Variants in CUX1 observed in about 807,000 individuals in gnomAD.
CUX1 encodes cut like homeobox 1, also known as protein CASP.
Under a neutral mutation model 158.8 loss-of-function variants are expected in CUX1, and 31 were observed. The ratio of observed to expected loss-of-function variants is 0.20; its 90% confidence interval spans 0.15 to 0.26. The LOEUF (loss-of-function observed/expected upper bound fraction) is 0.26, where lower values mean the gene tolerates loss of function less well. Among genes scored for constraint, CUX1 ranks in the 10% least tolerant of loss-of-function variants. CUX1 has a pLI of 1.00. For missense variants in CUX1, 1,589 were observed against 2,014.6 expected (o/e 0.79, Z 4.04); for synonymous variants, 879 against 862.1 (o/e 1.02, Z -0.34).
chr7:102,157,964 CACTGCAGCCTGT>C (rs782216465), intron 8 of CUX1, among the ~76,000 whole-genome samples: 2 of 152,166 alleles, frequency 1.3e-5, no homozygotes, highest in Non-Finnish European at 2.9e-5. Context: ...AGGCTGTCTG[CACTGCAGCCTGT>C]ACAGTCCCCC....
At chr7:102,102,458 G>C (rs1337110138) in intron 5 of CUX1, among the ~76,000 whole-genome samples, 1 of 137,658 alleles carries the variant, frequency 7.3e-6, no homozygotes, top group Non-Finnish European at 1.5e-5. Context: ...CCTTTAGCTT[G>C]TATGCACTAA....
chr7:102,000,141 G>A (rs544046899), intron 2 of CUX1, among the ~76,000 whole-genome samples: 18 of 152,228 alleles, frequency 1.2e-4, no homozygotes, highest in African/African-American at 2.9e-4. Context: ...CCTTGAATCC[G>A]GGCGGCGGAG....
chr7:102,234,294 G>A (rs1417868296), intron 22 of CUX1, 54 bp downstream of exon 22: 20 of 1,411,464 alleles, frequency 1.4e-5, no homozygotes, highest in Non-Finnish European at 1.7e-5. Context: ...TAGACAGGCT[G>A]TTTCTTTCAA....
chr7:102,032,668 G>A (rs569160839), intron 3 of CUX1, among the ~76,000 whole-genome samples: 84 of 108,796 alleles, frequency 7.7e-4, no homozygotes, highest in African/African-American at 2.4e-4. Flanking sequence ...GTGAGACTCC[G>A]TCTAAATAAA....
intron 2 of CUX1, among the ~76,000 whole-genome samples, chr7:102,010,901 G>A (rs764688708): frequency 1.3e-5 from 2 of 152,142 alleles, no homozygotes; most frequent in East Asian, 1.9e-4. Flanking sequence ...ACCTGAGGTC[G>A]AGAGTGTGAG....
At chr7:101,928,099 T>C (rs1485615421) in intron 2 of CUX1, among the ~76,000 whole-genome samples, 2 of 152,170 alleles carry the variant, frequency 1.3e-5, no homozygotes, top group African/African-American at 4.8e-5. Flanking sequence ...GTTTAATAAC[T>C]GTCAAAAGGG....
chr7:102,092,912 C>CAA (rs60587564), intron 4 of CUX1, among the ~76,000 whole-genome samples: 9 of 74,608 alleles, frequency 1.2e-4, no homozygotes, highest in Admixed American at 3.2e-4. Context: ...GACTCCGTCT[C>CAA]AAAAAAAAAA....
At chr7:102,273,100 C>A (rs77164169) in intron 14 of CUX1, among the ~76,000 whole-genome samples, 3,079 of 152,354 alleles carry the variant, frequency 0.02, 96 homozygotes, top group African/African-American at 0.071. Flanking sequence ...CTGACCTGAG[C>A]TCCTTCTCCT....
chr7:101,977,978 CT>C (rs1377975926), intron 2 of CUX1, among the ~76,000 whole-genome samples: 5 of 151,480 alleles, frequency 3.3e-5, no homozygotes, highest in South Asian at 2.1e-4. Flanking sequence ...TTTTTTTTCC[CT>C]GACCCCTGTC....
chr7:102,278,270 G>T (rs987879335), intron 18 of CUX1, among the ~76,000 whole-genome samples: 1 of 152,200 alleles, frequency 6.6e-6, no homozygotes, highest in African/African-American at 2.4e-5. Flanking sequence ...ACAGAGTGGA[G>T]CCCCTGTCCA....
chr7:102,256,647 T>C lies in CUX1; in HGVS notation c.*7605T>C. The C allele has an allele frequency of 1.0e-6, 1 of 985,432 alleles. No homozygotes were observed. Among genetic ancestry groups the C allele is most frequent in the Non-Finnish European group, 1.2e-6 (1 of 829,938 alleles). The allele number at this position is 985,432 out of a possible 1,614,324, so 61.0% of individuals were successfully genotyped here. The stretch of plus-strand genomic sequence containing the variant: ...ATTTACCAACGTGTGAGGGAGTTGC[T>C]GAGTTGAAGAATGCTCGCTTGAGGA... On this transcript the variant is annotated 3_prime_UTR_variant, in exon 24 of 24. Transcript: ENST00000292535.
Position 102,201,228 on chromosome 7 carries a change from A to G in CUX1, c.2063-132A>G, listed in dbSNP as rs1795399181. The G allele has an allele frequency of 1.5e-6, 2 of 1,337,670 alleles. No individual in the cohort carries two copies. The highest frequency in any genetic ancestry group is 2.0e-6 in the Non-Finnish European group (2 of 979,748). 82.9% of individuals were successfully genotyped at this position (1,337,670 alleles called of 1,614,324 possible). ...CCTGAATGTTTCACTGACAGGGGCCATGCTGGGGAAATACACAGTGTGGTT... is the reference window on the plus strand; with the variant it reads ...CCTGAATGTTTCACTGACAGGGGCCGTGCTGGGGAAATACACAGTGTGGTT... On this transcript the variant is annotated intron_variant, in intron 17 of 23. Transcript: ENST00000292535. This position sits in a 1 kb window ranked among gnomAD's most constrained non-coding sequence, Gnocchi z 5.0.
intron 2 of CUX1, among the ~76,000 whole-genome samples, chr7:101,982,509 C>T (rs1813567646): frequency 6.6e-6 from 1 of 152,144 alleles, no homozygotes; most frequent in South Asian, 2.1e-4. Flanking sequence ...TTACTGCAAC[C>T]TCTGCCTCCC....
At chr7:102,097,571 T>A in intron 5 of CUX1, 70 bp downstream of exon 5, 10 of 1,475,822 alleles carry the variant, frequency 6.8e-6, no homozygotes, top group Non-Finnish European at 9.1e-6. Flanking sequence ...TTTAATTGGC[T>A]TTTCCCATAC....
At chr7:102,178,682 G>A (rs1360299653) in intron 11 of CUX1, 25 bp downstream of exon 11, 6 of 1,585,974 alleles carry the variant, frequency 3.8e-6, no homozygotes, top group Non-Finnish European at 3.4e-6. Flanking sequence ...GGGCCCGGGG[G>A]TGGCCCGAGG....
chr7:102,017,152 A>C (rs1818703661), intron 2 of CUX1, among the ~76,000 whole-genome samples: 1 of 151,744 alleles, frequency 6.6e-6, no homozygotes, highest in Admixed American at 6.6e-5. Flanking sequence ...AAAAATGCAA[A>C]AATTAGCCTG....
chr7:102,137,853 T>C (rs1478792884), intron 8 of CUX1, among the ~76,000 whole-genome samples: 1 of 152,098 alleles, frequency 6.6e-6, no homozygotes, highest in Non-Finnish European at 1.5e-5. Context: ...TAATATTGAT[T>C]AGTCTGGCTT....
At chr7:102,208,755 T>G (rs1796199227) in intron 20 of CUX1, among the ~76,000 whole-genome samples, 1 of 152,176 alleles carries the variant, frequency 6.6e-6, no homozygotes, top group South Asian at 2.1e-4. Context: ...CCCAGAATCC[T>G]TTCAAGAGGC....
At chr7:102,148,581 C>T (rs569358788) in intron 8 of CUX1, among the ~76,000 whole-genome samples, 1 of 151,306 alleles carries the variant, frequency 6.6e-6, no homozygotes, top group East Asian at 1.9e-4. Flanking sequence ...CAAAGAAATG[C>T]CCATCTTTTA....
Sources: gnomAD v4.1 joint callset for allele counts (sites outside exome capture counted in the v4.1 genomes callset) on GRCh38, gnomAD v4.1.1 for gene constraint, Gnocchi (gnomAD v3.1) non-coding constraint, MANE v1.5 for transcripts, NCBI Gene and HGNC (gene_info 2026-07-23, HGNC 2026-07-21) for gene names.